The following SYT1 variants were observed in gnomAD, a reference collection of about 807,000 sequenced individuals.
SYT1 encodes synaptotagmin 1.
SYT1 carries 8 observed loss-of-function variants against 44.8 expected under a neutral mutation model. The observed-to-expected ratio is 0.18, with a 90% CI of 0.10 to 0.32. SYT1 has a LOEUF of 0.32. SYT1 is among the 10% of genes least tolerant of loss of function. SYT1 has a pLI of 1.00. For synonymous variants in SYT1, 154 were observed against 188.8 expected, an observed-to-expected ratio of 0.82 and a Z score of 1.51; for missense variants, 286 against 509.3, an observed-to-expected ratio of 0.56 and a Z score of 4.22.
At chr12:79,016,632 A>C (rs1014472830) in intron 2 of SYT1, among the ~76,000 whole-genome samples, 1 of 152,100 alleles carries the variant, frequency 6.6e-6, no homozygotes, top group African/African-American at 2.4e-5. Flanking sequence ...ATCCCTGAGC[A>C]TTAAATGGGT....
chr12:79,179,482 T>TATAGATATATCTATATAGATATAGAG, intron 3 of SYT1, among the ~76,000 whole-genome samples: 1 of 109,876 alleles, frequency 9.1e-6, no homozygotes, highest in African/African-American at 3.6e-5. Context: ...GATATAGAGA[T>TATAGATATATCTATATAGATATAGAG]ATAGATATAT....
intron 8 of SYT1, among the ~76,000 whole-genome samples, chr12:79,337,512 A>T (rs1882146284): frequency 1.3e-5 from 2 of 152,228 alleles, no homozygotes; most frequent in Admixed American, 6.5e-5. Flanking sequence ...GCACTAGCAG[A>T]AGTAGCTACA....
chr12:78,875,675 C>T (rs1352692183), intron 1 of SYT1, among the ~76,000 whole-genome samples: 41 of 151,708 alleles, frequency 2.7e-4, no homozygotes, highest in Admixed American at 2.6e-3. Context: ...TGTATAATCT[C>T]ACCATGCTTT....
At chr12:78,962,407 C>G (rs1006525220) in intron 1 of SYT1, among the ~76,000 whole-genome samples, 1 of 140,516 alleles carries the variant, frequency 7.1e-6, no homozygotes, top group African/African-American at 2.7e-5. Flanking sequence ...TTGCTTTTCT[C>G]TTGTGCAAAC....
intron 1 of SYT1, among the ~76,000 whole-genome samples, chr12:78,961,290 G>A (rs1049995311): frequency 1.3e-5 from 2 of 151,662 alleles, no homozygotes; most frequent in African/African-American, 4.8e-5. Context: ...TTTGTATTTT[G>A]TGGCGACATA....
chr12:79,061,447 A>G (rs1875378504), intron 3 of SYT1, among the ~76,000 whole-genome samples: 1 of 152,098 alleles, frequency 6.6e-6, no homozygotes, highest in Non-Finnish European at 1.5e-5. Flanking sequence ...TTCTCAGTTA[A>G]TAACTGGCAG....
rs182062796 is a variant in SYT1, at chr12:79,449,276, T to G, written c.*152T>G. ...GGAATCCTGTTTTAATTTGCACAAA[T>G]TTAAATGTAGAGAGCCCCTAAGTCC... On this transcript the variant is annotated 3_prime_UTR_variant, in exon 11 of 11. Coordinates refer to ENST00000261205, the MANE Select transcript of SYT1 (RefSeq NM_005639.3). The G allele has an allele frequency of 1.3e-4, 108 of 830,136 alleles. No individual in the cohort carries two copies. In the East Asian group the frequency reaches 2.6e-3, roughly 20 times the overall value. The allele number at this position is 830,136 out of a possible 1,614,324, so 51.4% of individuals were successfully genotyped here. A position where few individuals can be genotyped will look rare whatever the true frequency, so the allele number is the denominator to read the frequency against.
chr12:79,068,842 A>G (rs1478555402), intron 3 of SYT1, among the ~76,000 whole-genome samples: 1 of 152,106 alleles, frequency 6.6e-6, no homozygotes, highest in African/African-American at 2.4e-5. Flanking sequence ...CATGAGATCC[A>G]TGTGGGAAAA....
chr12:79,444,015 T>G, intron 9 of SYT1, 58 bp from the exon 10 acceptor site: 3 of 1,582,788 alleles, frequency 1.9e-6, no homozygotes, highest in Non-Finnish European at 2.6e-6. Flanking sequence ...TAAGCTAACT[T>G]ATAATCTAAA....
chr12:78,969,590 G>T (rs1868327068), intron 1 of SYT1, among the ~76,000 whole-genome samples: 1 of 152,138 alleles, frequency 6.6e-6, no homozygotes. Context: ...AGTCAACTTG[G>T]GATTGGAAGG....
chr12:78,917,498 T>C (rs1444411646), intron 1 of SYT1, among the ~76,000 whole-genome samples: 4 of 151,448 alleles, frequency 2.6e-5, no homozygotes, highest in Non-Finnish European at 5.9e-5. Context: ...CATTAGGAGG[T>C]GTACCTAATG....
intron 1 of SYT1, among the ~76,000 whole-genome samples, chr12:78,930,443 T>C (rs1170638334): frequency 6.6e-6 from 1 of 151,114 alleles, no homozygotes; most frequent in African/African-American, 2.4e-5. Flanking sequence ...AGAAAGGGAA[T>C]TGAAGAAAAA....
chr12:79,098,157 T>C (rs1368401150), intron 3 of SYT1, among the ~76,000 whole-genome samples: 4 of 152,058 alleles, frequency 2.6e-5, no homozygotes, highest in Non-Finnish European at 5.9e-5. Context: ...AATGAGATGT[T>C]AACATCCACT....
intron 9 of SYT1, among the ~76,000 whole-genome samples, chr12:79,372,847 A>C (rs538070867): frequency 2.0e-5 from 3 of 148,316 alleles, no homozygotes; most frequent in Non-Finnish European, 4.4e-5. Flanking sequence ...GTTGTCCATC[A>C]GCACGCACTG....
chr12:79,212,349 C>T (rs998058060), intron 3 of SYT1, among the ~76,000 whole-genome samples: 27 of 151,754 alleles, frequency 1.8e-4, no homozygotes, highest in Non-Finnish European at 1.5e-5. Context: ...CATCACACAC[C>T]CGGACCTTTC....
At chr12:79,285,302 C>T (rs574771403) in intron 4 of SYT1, among the ~76,000 whole-genome samples, 2 of 152,300 alleles carry the variant, frequency 1.3e-5, no homozygotes, top group South Asian at 2.1e-4. Flanking sequence ...ATTTATTAAG[C>T]TTTTGCCATG....
chr12:78,931,185 A>G lies in SYT1; in HGVS notation c.-216-46614A>G, dbSNP rs549936928. Among the ~76,000 whole-genome samples the G allele has an allele frequency of 9.9e-3, 215 of 21,612 alleles. 1 individual carries two copies. Among genetic ancestry groups the G allele is most frequent in the Non-Finnish European group, 0.012 (136 of 11,766 alleles). 14.2% of individuals were successfully genotyped at this position (21,612 alleles called of 152,430 possible). A position where few individuals can be genotyped will look rare whatever the true frequency, so the allele number is the denominator to read the frequency against. The stretch of plus-strand genomic sequence containing the variant: ...GGAAAGAAAGAAAGAAAGAAAAAGA[A>G]AGAAAGAAAGAAAGAAAGAAAGAAA... On this transcript the variant is annotated intron_variant, in intron 1 of 10. Coordinates refer to ENST00000261205, the MANE Select transcript of SYT1 (RefSeq NM_005639.3).
intron 4 of SYT1, among the ~76,000 whole-genome samples, chr12:79,278,905 A>T (rs1361971607): frequency 2.0e-5 from 3 of 151,914 alleles, no homozygotes; most frequent in Non-Finnish European, 2.9e-5. Context: ...GAAAATCTAG[A>T]GGAAATAGAT....
intron 9 of SYT1, among the ~76,000 whole-genome samples, chr12:79,433,631 G>A (rs900278736): frequency 6.6e-6 from 1 of 151,776 alleles, no homozygotes; most frequent in Admixed American, 6.6e-5. Context: ...TTTTGTCTCT[G>A]TGTTTGTTAG....
Sources: gnomAD v4.1 joint callset for allele counts (sites outside exome capture counted in the v4.1 genomes callset) on GRCh38, gnomAD v4.1.1 for gene constraint, MANE v1.5 for transcripts, NCBI Gene and HGNC (gene_info 2026-07-23, HGNC 2026-07-21) for gene names.